The following NLGN4Y variants were observed in gnomAD, a reference collection of about 807,000 sequenced individuals.
The protein encoded by NLGN4Y is neuroligin 4 Y-linked, also known as neuroligin-4, Y-linked.
In NLGN4Y, 4 loss-of-function variants were observed where a neutral mutation model predicts 8.4. The ratio of observed to expected loss-of-function variants is 0.48; its 90% CI spans 0.23 to 1.09. The LOEUF is 1.09. Among genes scored for constraint, NLGN4Y ranks in the 50% least tolerant of loss-of-function variants. The pLI, the probability that NLGN4Y is intolerant of heterozygous loss-of-function variation, is 0.19. For synonymous variants in NLGN4Y, 35 were observed against 75.6 expected (o/e 0.46, Z 2.78); for missense variants, 90 against 192.3 (o/e 0.47, Z 3.15).
chrY:14,601,710 A>G (rs761091065), intron 1 of NLGN4Y, among the ~76,000 whole-genome samples: 41 of 31,875 alleles, frequency 1.3e-3, no homozygotes, highest in South Asian at 2.3e-3. Flanking sequence ...CGGGCGGATC[A>G]CGAAGTCAAG....
chrY:14,559,656 A>T, intron 1 of NLGN4Y, among the ~76,000 whole-genome samples: 1 of 32,853 alleles, frequency 3.0e-5, no homozygotes, highest in Admixed American at 2.9e-4. Flanking sequence ...CAATCCCCAT[A>T]TCCCCTCATC....
chrY:14,825,289 GTCTC>G (rs2043139615), intron 5 of NLGN4Y, among the ~76,000 whole-genome samples: 1 of 25,986 alleles, frequency 3.8e-5, no homozygotes, highest in Admixed American at 3.8e-4. Context: ...CTTTCTCTCT[GTCTC>G]TCTCTCTGTT....
chrY:14,598,189 A>G, intron 1 of NLGN4Y, among the ~76,000 whole-genome samples: 1 of 34,854 alleles, frequency 2.9e-5, no homozygotes, highest in Admixed American at 2.5e-4. Flanking sequence ...GTCCTGCGCC[A>G]TGCGCTGGCA....
intron 1 of NLGN4Y, among the ~76,000 whole-genome samples, chrY:14,535,908 T>C (rs1032448631): frequency 2.1e-4 from 7 of 33,605 alleles, no homozygotes; most frequent in Non-Finnish European, 4.4e-4. Flanking sequence ...ATGACAATTT[T>C]ACCAGTAAAA....
intron 1 of NLGN4Y, among the ~76,000 whole-genome samples, chrY:14,587,667 C>T (rs2080346046): frequency 1.2e-4 from 4 of 33,281 alleles, no homozygotes; most frequent in Admixed American, 5.5e-4. Context: ...TGGGCTTTGC[C>T]GTTAGATACT....
chrY:14,818,655 G>T (rs2043111558), intron 4 of NLGN4Y, among the ~76,000 whole-genome samples: 1 of 33,003 alleles, frequency 3.0e-5, no homozygotes, highest in Non-Finnish European at 7.4e-5. Flanking sequence ...TTGGCATAGT[G>T]GACATGGCCA....
At chrY:14,778,446 C>T (rs2081135528) in intron 4 of NLGN4Y, among the ~76,000 whole-genome samples, 1 of 33,799 alleles carries the variant, frequency 3.0e-5, no homozygotes. Flanking sequence ...TTGCATGGGG[C>T]GTCTCCTATT....
At chrY:14,818,095 A>T in intron 4 of NLGN4Y, among the ~76,000 whole-genome samples, 1 of 31,573 alleles carries the variant, frequency 3.2e-5, no homozygotes, top group Non-Finnish European at 7.6e-5. Context: ...TGATAAGGAA[A>T]ATTGGTGGGG....
chrY:14,824,416 C>A, intron 5 of NLGN4Y, 43 bp downstream of exon 5: 1 of 371,552 alleles, frequency 2.7e-6, no homozygotes, highest in Non-Finnish European at 3.8e-6. Context: ...ATGCCCTGAA[C>A]CAAGAAATGA....
chrY:14,587,071 G>T, intron 1 of NLGN4Y, among the ~76,000 whole-genome samples: 1 of 33,216 alleles, frequency 3.0e-5, no homozygotes, highest in Non-Finnish European at 7.4e-5. Context: ...ATTTGTTATT[G>T]TTGTTCTTAC....
At chrY:14,759,597 C>A (rs758377617) in intron 4 of NLGN4Y, among the ~76,000 whole-genome samples, 2 of 34,496 alleles carry the variant, frequency 5.8e-5, no homozygotes, top group Non-Finnish European at 1.5e-4. Flanking sequence ...CGTGAGCCGC[C>A]GTGCACAGCC....
chrY:14,588,781 G>A, intron 1 of NLGN4Y, among the ~76,000 whole-genome samples: 1 of 32,840 alleles, frequency 3.0e-5, no homozygotes, highest in Admixed American at 2.8e-4. Flanking sequence ...GGCGCGTCTG[G>A]AGTCTGTCCC....
At chrY:14,793,959 G>A (rs2042997189) in intron 4 of NLGN4Y, 1 of 19,833 alleles carries the variant, frequency 5.0e-5, no homozygotes, top group African/African-American at 2.1e-4. Context: ...CTGCTTCCCC[G>A]CAGTCTGGGT....
chrY:14,838,542 T>C (rs2043205235), intron 6 of NLGN4Y, among the ~76,000 whole-genome samples: 1 of 33,006 alleles, frequency 3.0e-5, no homozygotes, highest in Admixed American at 2.8e-4. Context: ...GTATGTAATA[T>C]ACAGTATACC....
At chrY:14,676,864 C>T in intron 2 of NLGN4Y, among the ~76,000 whole-genome samples, 1 of 33,535 alleles carries the variant, frequency 3.0e-5, no homozygotes, top group Non-Finnish European at 7.4e-5. Flanking sequence ...ACTGATTTTA[C>T]TTCTCTTTTC....
chrY:14,728,802 G>A (rs2150558102), intron 4 of NLGN4Y, among the ~76,000 whole-genome samples: 1 of 33,381 alleles, frequency 3.0e-5, no homozygotes, highest in African/African-American at 1.2e-4. Flanking sequence ...ATTTTGAAAG[G>A]TATAAAATCA....
At chrY:14,575,095 T>C (rs2080291935) in intron 1 of NLGN4Y, among the ~76,000 whole-genome samples, 1 of 32,727 alleles carries the variant, frequency 3.1e-5, no homozygotes, top group Admixed American at 2.8e-4. Context: ...GGGAGTATCT[T>C]TGTGGCGTTC....
chrY:14,786,177 A>T, intron 4 of NLGN4Y, among the ~76,000 whole-genome samples: 3 of 33,364 alleles, frequency 9.0e-5, no homozygotes, highest in African/African-American at 3.5e-4. Context: ...ACATTAAATA[A>T]TCTTCCATCT....
intron 2 of NLGN4Y, chrY:14,640,076 A>G: frequency 8.2e-6 from 1 of 121,751 alleles, no homozygotes; most frequent in African/African-American, 9.2e-5. Flanking sequence ...TGCCAAGCGA[A>G]GAAGATTTTA....
Sources: allele counts gnomAD v4.1 joint callset (sites outside exome capture counted in the v4.1 genomes callset), GRCh38; gene constraint gnomAD v4.1.1; transcripts MANE v1.5; gene names NCBI Gene and HGNC (gene_info 2026-07-23, HGNC 2026-07-21).